ASB13: variants seen among roughly 807,000 people sequenced by gnomAD.
The protein encoded by ASB13 is ankyrin repeat and SOCS box containing 13.
Under a neutral mutation model 28.8 loss-of-function variants are expected in ASB13, and 33 were observed. That is an observed-to-expected ratio of 1.15 (90% CI 0.87 to 1.53). The LOEUF (loss-of-function observed/expected upper bound fraction) is 1.53. ASB13 is among the 40% of genes most tolerant of loss of function. The pLI is 0.00. For missense variants in ASB13, 414 were observed against 390.1 expected (o/e 1.06, Z -0.52); for synonymous variants, 182 against 172.9 (o/e 1.05, Z -0.41).
At position 5,655,095 on chromosome 10, in the gene ASB13, T is replaced by C. The variant is rs1414861482; in HGVS notation, c.44-2045A>G. Among the ~76,000 whole-genome samples the C allele has an allele frequency of 6.6e-6, 1 of 150,556 alleles. No homozygotes were observed. The highest frequency in any genetic ancestry group is 1.5e-5 in the Non-Finnish European group (1 of 67,724). ...ATAGCCTGGGCAACAAGAGTGAAAC[T>C]CTGTCTTTAAAAAAAAAAAAAAAGT... On this transcript the variant is annotated intron_variant, in intron 1 of 5. Transcript: ENST00000357700. The surrounding 1 kb of genome is among the most constrained non-coding windows in gnomAD (Gnocchi z 6.2).
intron 4 of ASB13, among the ~76,000 whole-genome samples, chr10:5,643,675 C>T (rs1029711021): frequency 4.6e-5 from 7 of 152,170 alleles, no homozygotes; most frequent in East Asian, 1.9e-4. Context: ...AATCATAACA[C>T]GAAGTAAATT....
intron 4 of ASB13, among the ~76,000 whole-genome samples, chr10:5,648,337 A>C: frequency 8.0e-6 from 1 of 124,628 alleles, no homozygotes; most frequent in African/African-American, 2.7e-5. Context: ...TCGGGTAAAC[A>C]CCCACGTGGG....
rs1834871919 is a variant in ASB13 at position 5,645,546 on chromosome 10, A to C, written c.517+3424T>G. On this transcript the variant is annotated intron_variant, in intron 4 of 5. Coordinates refer to ENST00000357700, the MANE Select transcript of ASB13 (RefSeq NM_024701.4). This position sits in a 1 kb window ranked among gnomAD's most constrained non-coding sequence, Gnocchi z 5.4. The stretch of plus-strand genomic sequence containing the variant: ...ACAAAGAACAAGAACAACGGTCTCC[A>C]CGTCCCCCGTGGGGTGCAACGTGGC... Among the ~76,000 whole-genome samples the C allele has an allele frequency of 1.3e-5, 2 of 152,316 alleles. No homozygotes were observed. Among genetic ancestry groups the C allele is most frequent in the East Asian group, 3.9e-4 (2 of 5,182 alleles).
rs1262665037 is a variant in ASB13 at position 5,642,812 on chromosome 10, T to C, written c.518-851A>G. 6.6e-6 allele frequency among the ~76,000 whole-genome samples: 1 copy of C among 152,164 alleles called. No homozygotes were observed. The highest frequency in any genetic ancestry group is 1.5e-5 in the Non-Finnish European group (1 of 68,028). On this transcript the variant is annotated intron_variant, in intron 4 of 5. Transcript: ENST00000357700. This position sits in a 1 kb window ranked among gnomAD's most constrained non-coding sequence, Gnocchi z 4.1. Reference sequence around the variant, plus strand: ...CAGGTGTGCCACCATGCCCGGCTAATTTTTCTATTTTTTGTAGAGACGGGG... The same window carrying C: ...CAGGTGTGCCACCATGCCCGGCTAACTTTTCTATTTTTTGTAGAGACGGGG...
Position 5,664,598 on chromosome 10 carries a change from G to C in ASB13, c.43+1911C>G, listed in dbSNP as rs1016076582. On this transcript the variant is annotated intron_variant, in intron 1 of 5. Transcript: ENST00000357700. This position sits in a 1 kb window ranked among gnomAD's most constrained non-coding sequence, Gnocchi z 4.2. Reference sequence around the variant, plus strand: ...CCTGGGGGGAACGTACGGGGGAGTGGGGGAGCAGCCAGTAGGTTAGAGGTT... The same window carrying C: ...CCTGGGGGGAACGTACGGGGGAGTGCGGGAGCAGCCAGTAGGTTAGAGGTT... 1.3e-5 allele frequency among the ~76,000 whole-genome samples: 2 copies of C among 152,150 alleles called. No individual in the cohort carries two copies. The highest frequency in any genetic ancestry group is 6.5e-5 in the Admixed American group (1 of 15,284).
In ASB13 at chr10:5,645,362, C is replaced by T. The variant is rs1448990031; in HGVS notation, c.518-3401G>A. Among the ~76,000 whole-genome samples the T allele has an allele frequency of 6.6e-6, 1 of 152,016 alleles. No individual in the cohort carries two copies. Among genetic ancestry groups the T allele is most frequent in the Non-Finnish European group, 1.5e-5 (1 of 68,014 alleles). ...CTAAGAACAAAGGTGGAAGCAGGAC[C>T]GTCCTCAGGGAGCCGCTTCCGAACA... On this transcript the variant is annotated intron_variant, in intron 4 of 5. Transcript: ENST00000357700. This position sits in a 1 kb window ranked among gnomAD's most constrained non-coding sequence, Gnocchi z 5.4.
rs774624561 is a variant in ASB13 at position 5,656,673 on chromosome 10, G to A, written c.44-3623C>T. Reference sequence around the variant, plus strand: ...AAGATAATATGCAAAAAGAGCAAACGTGTAGCTTTGAAATTAACTCTGGGA... The same window carrying A: ...AAGATAATATGCAAAAAGAGCAAACATGTAGCTTTGAAATTAACTCTGGGA... On this transcript the variant is annotated intron_variant, in intron 1 of 5. Coordinates refer to ENST00000357700, the MANE Select transcript of ASB13 (RefSeq NM_024701.4). The surrounding 1 kb of genome is among the most constrained non-coding windows in gnomAD (Gnocchi z 4.3). Among the ~76,000 whole-genome samples the A allele has an allele frequency of 1.1e-4, 16 of 152,200 alleles. No homozygotes were observed. The highest frequency in any genetic ancestry group is 2.1e-4 in the Non-Finnish European group (14 of 68,046).
At position 5,662,603 on chromosome 10, in the gene ASB13, G is replaced by GAAGAGAAGAGAAGAGAAGAA. The variant is rs1554744172; in HGVS notation, c.43+3905_43+3906insTTCTTCTCTTCTCTTCTCTT. On this transcript the variant is annotated intron_variant, in intron 1 of 5. Coordinates refer to ENST00000357700, the MANE Select transcript of ASB13 (RefSeq NM_024701.4). ...GAAGAGAAGAGAAGAGAAGAGAAGA[G>GAAGAGAAGAGAAGAGAAGAA]AAGAGAAGAGAAGAGAAGAGAAGAG... is the stretch of plus-strand genomic sequence containing the variant. 1.0e-3 allele frequency among the ~76,000 whole-genome samples: 138 copies of GAAGAGAAGAGAAGAGAAGAA among 132,468 alleles called. 6 individuals are homozygous for GAAGAGAAGAGAAGAGAAGAA. Among genetic ancestry groups the GAAGAGAAGAGAAGAGAAGAA allele is most frequent in the Non-Finnish European group, 1.9e-3 (108 of 56,562 alleles). 86.9% of individuals were successfully genotyped at this position (132,468 alleles called of 152,430 possible).
rs1834829307 is a variant in ASB13, at chr10:5,642,732, C to G, written c.518-771G>C. Among the ~76,000 whole-genome samples the G allele has an allele frequency of 6.6e-6, 1 of 151,458 alleles. No individual in the cohort carries two copies. Among genetic ancestry groups the G allele is most frequent in the Non-Finnish European group, 1.5e-5 (1 of 67,854 alleles). Reference sequence around the variant, plus strand: ...CATGATCTCGGCTCACTGCAACCTCCGCCTCCAGGGTTCAAGCGATTCTCC... The same window carrying G: ...CATGATCTCGGCTCACTGCAACCTCGGCCTCCAGGGTTCAAGCGATTCTCC... On this transcript the variant is annotated intron_variant, in intron 4 of 5. Coordinates refer to ENST00000357700, the MANE Select transcript of ASB13 (RefSeq NM_024701.4). The surrounding 1 kb of genome is among the most constrained non-coding windows in gnomAD (Gnocchi z 4.1).
At position 5,661,109 on chromosome 10, in the gene ASB13, C is replaced by T. The variant is rs2131457625; in HGVS notation, c.43+5400G>A. The stretch of plus-strand genomic sequence containing the variant: ...GTCATCCCAGAGCCAGAGCCCCACT[C>T]GTTGGGCCCAAGTGGCAGCTCTGTG... On this transcript the variant is annotated intron_variant, in intron 1 of 5. Coordinates refer to ENST00000357700, the MANE Select transcript of ASB13 (RefSeq NM_024701.4). The surrounding 1 kb of genome is among the most constrained non-coding windows in gnomAD (Gnocchi z 4.9). Among the ~76,000 whole-genome samples, 1 of 152,366 alleles carries T rather than the reference C, an allele frequency of 6.6e-6. No individual in the cohort carries two copies. The highest frequency in any genetic ancestry group is 2.1e-4 in the South Asian group (1 of 4,830).
Position 5,649,182 on chromosome 10 carries a change from G to C in ASB13, c.383-78C>G, listed in dbSNP as rs957230974. ...CAACAAGCACACAGACGCGGCAGGG[G>C]CAGCAGCCTCCATCCTTGGTGCAGG... On this transcript the variant is annotated intron_variant, in intron 3 of 5. Coordinates refer to ENST00000357700, the MANE Select transcript of ASB13 (RefSeq NM_024701.4). The surrounding 1 kb of genome is among the most constrained non-coding windows in gnomAD (Gnocchi z 6.4). 21 of 1,581,138 alleles carry C rather than the reference G, an allele frequency of 1.3e-5. No homozygotes were observed. Among genetic ancestry groups the C allele is most frequent in the Non-Finnish European group, 1.8e-5 (21 of 1,161,680 alleles).
rs1483273051 is a variant in ASB13 at position 5,664,732 on chromosome 10, G to A, written c.43+1777C>T. 6.6e-6 allele frequency among the ~76,000 whole-genome samples: 1 copy of A among 152,138 alleles called. No homozygotes were observed. The highest frequency in any genetic ancestry group is 2.4e-5 in the African/African-American group (1 of 41,418). ...GTCTCACTCTGTCGCCCAGGCTGGA[G>A]TGCAATGGCATGATCTCAGCTCACT... On this transcript the variant is annotated intron_variant, in intron 1 of 5. Coordinates refer to ENST00000357700, the MANE Select transcript of ASB13 (RefSeq NM_024701.4). The surrounding 1 kb of genome is among the most constrained non-coding windows in gnomAD (Gnocchi z 4.2).
Position 5,642,611 on chromosome 10 carries a change from G to C in ASB13, c.518-650C>G, listed in dbSNP as rs576760421. On this transcript the variant is annotated intron_variant, in intron 4 of 5. Transcript: ENST00000357700. The surrounding 1 kb of genome is among the most constrained non-coding windows in gnomAD (Gnocchi z 4.1). ...TTTTAAAAAAAAGAGCAGACATTCA[G>C]AAAGATGCAAGGAATTAGTAGCTAA... is the stretch of plus-strand genomic sequence containing the variant. 1,746 of 859,828 alleles carry C rather than the reference G, an allele frequency of 2.0e-3. 10 individuals are homozygous for C. Among genetic ancestry groups the C allele is most frequent in the Non-Finnish European group, 2.3e-3 (1,434 of 631,470 alleles). The allele number at this position is 859,828 out of a possible 1,614,324, so 53.3% of individuals were successfully genotyped here.
chr10:5,643,437 G>T (rs1050600725), intron 4 of ASB13, among the ~76,000 whole-genome samples: 1 of 152,188 alleles, frequency 6.6e-6, no homozygotes, highest in Non-Finnish European at 1.5e-5. Context: ...GCCCTCCAAA[G>T]TGATGACATA....
At position 5,661,168 on chromosome 10, in the gene ASB13, C is replaced by T. The variant is rs1835159308; in HGVS notation, c.43+5341G>A. On this transcript the variant is annotated intron_variant, in intron 1 of 5. Transcript: ENST00000357700. This position sits in a 1 kb window ranked among gnomAD's most constrained non-coding sequence, Gnocchi z 4.9. ...CGGCCACCCCCTAGAGAGCCTGTGT[C>T]TAGGAGGCAGCTGGCCTGCTGGCCC... 6.6e-6 allele frequency among the ~76,000 whole-genome samples: 1 copy of T among 152,154 alleles called. No individual in the cohort carries two copies. Among genetic ancestry groups the T allele is most frequent in the South Asian group, 2.1e-4 (1 of 4,830 alleles).
intron 4 of ASB13, among the ~76,000 whole-genome samples, chr10:5,647,468 G>C (rs1834902645): frequency 6.6e-6 from 1 of 152,046 alleles, no homozygotes; most frequent in African/African-American, 2.4e-5. Context: ...TCCCTCTTTG[G>C]GAATCTCAAT....
Position 5,645,813 on chromosome 10 carries a change from C to A in ASB13, c.517+3157G>T, listed in dbSNP as rs992975174. Among the ~76,000 whole-genome samples, 2 of 152,208 alleles carry A rather than the reference C, an allele frequency of 1.3e-5. No individual in the cohort carries two copies. Among genetic ancestry groups the A allele is most frequent in the Non-Finnish European group, 2.9e-5 (2 of 68,048 alleles). On this transcript the variant is annotated intron_variant, in intron 4 of 5. Coordinates refer to ENST00000357700, the MANE Select transcript of ASB13 (RefSeq NM_024701.4). The surrounding 1 kb of genome is among the most constrained non-coding windows in gnomAD (Gnocchi z 5.4). ...GCTTTCCTTTGGTTTCCCGAGGGAT[C>A]TGTGACCTGACCCCAAAAGATCAGA...
In ASB13 at chr10:5,652,800, G is replaced by A; in HGVS notation, c.231+63C>T. On this transcript the variant is annotated intron_variant, in intron 2 of 5. Coordinates refer to ENST00000357700, the MANE Select transcript of ASB13 (RefSeq NM_024701.4). The surrounding 1 kb of genome is among the most constrained non-coding windows in gnomAD (Gnocchi z 5.0). ...TCCCCTCTTTCCCAAGTTCTCCTGA[G>A]TCAACCTCCTCCATTCTGGCAGCTG... 6.9e-7 allele frequency: 1 copy of A among 1,444,738 alleles called. No individual in the cohort carries two copies. Among genetic ancestry groups the A allele is most frequent in the Non-Finnish European group, 9.2e-7 (1 of 1,092,866 alleles). The allele number at this position is 1,444,738 out of a possible 1,614,324, so 89.5% of individuals were successfully genotyped here. A position where few individuals can be genotyped will look rare whatever the true frequency, so the allele number is the denominator to read the frequency against.
At chr10:5,648,582 GCA>G (rs1834928888) in intron 4 of ASB13, among the ~76,000 whole-genome samples, 1 of 66,294 alleles carries the variant, frequency 1.5e-5, no homozygotes, top group Non-Finnish European at 2.7e-5. Context: ...AAACACCCAC[GCA>G]GGCAAACACC....
Sources: allele counts gnomAD v4.1 joint callset (sites outside exome capture counted in the v4.1 genomes callset), GRCh38; gene constraint gnomAD v4.1.1; non-coding constraint Gnocchi (gnomAD v3.1); transcripts MANE v1.5; gene names NCBI Gene and HGNC (gene_info 2026-07-23, HGNC 2026-07-21).